Variants in RYR3 observed in about 807,000 individuals in gnomAD.
RYR3 encodes the protein brain ryanodine receptor-calcium release channel.
In RYR3, 207 loss-of-function variants were observed where a neutral mutation model predicts 584.3. The observed-to-expected ratio is 0.35, with a 90% CI of 0.32 to 0.40. The LOEUF is 0.40. Among genes scored for constraint, RYR3 ranks in the 10% least tolerant of loss-of-function variants. The pLI is 1.00. For missense variants in RYR3, 5,616 were observed against 6,089.2 expected (o/e 0.92, Z 2.59); for synonymous variants, 2,416 against 2,248.5 (o/e 1.07, Z -2.11).
intron 42 of RYR3, 117 bp from the exon 43 acceptor site, chr15:33,706,802 T>C: frequency 4.4e-6 from 4 of 904,812 alleles, no homozygotes; most frequent in Non-Finnish European, 6.7e-6. Context: ...TCACCAGCAA[T>C]GCACAAGAGT....
At chr15:33,652,405 A>C (rs1213134375) in intron 31 of RYR3, among the ~76,000 whole-genome samples, 4 of 152,046 alleles carry the variant, frequency 2.6e-5, no homozygotes, top group African/African-American at 7.2e-5. Context: ...CTTTGGTGGG[A>C]TACTGCCGTT....
At chr15:33,724,669 C>G (rs548702449) in intron 45 of RYR3, among the ~76,000 whole-genome samples, 45 of 152,180 alleles carry the variant, frequency 3.0e-4, no homozygotes, top group Non-Finnish European at 6.2e-4. Flanking sequence ...TCTCAGACTT[C>G]TAGTTTTGAA....
intron 16 of RYR3, among the ~76,000 whole-genome samples, chr15:33,592,823 G>A (rs955193265): frequency 6.6e-6 from 1 of 152,192 alleles, no homozygotes; most frequent in Non-Finnish European, 1.5e-5. Flanking sequence ...TAGTTAATTT[G>A]GAAAGTTTAT....
At chr15:33,683,116 T>C (rs1224468879) in intron 38 of RYR3, among the ~76,000 whole-genome samples, 1 of 152,036 alleles carries the variant, frequency 6.6e-6, no homozygotes, top group African/African-American at 2.4e-5. Context: ...TTCCTCAGCC[T>C]CCCGAGTAGC....
At chr15:33,670,149 TAC>T (rs2063756957) in intron 37 of RYR3, among the ~76,000 whole-genome samples, 1 of 152,164 alleles carries the variant, frequency 6.6e-6, no homozygotes, top group Non-Finnish European at 1.5e-5. Flanking sequence ...TAATCCCCCT[TAC>T]ACTCTTTCAG....
intron 100 of RYR3, 71 bp downstream of exon 100, chr15:33,859,802 C>T: frequency 1.4e-6 from 2 of 1,457,766 alleles, no homozygotes; most frequent in Non-Finnish European, 1.9e-6. Flanking sequence ...CCATCTATGA[C>T]TTAATTGGTT....
At chr15:33,764,178 A>G (rs2072788140) in intron 60 of RYR3, among the ~76,000 whole-genome samples, 1 of 152,222 alleles carries the variant, frequency 6.6e-6, no homozygotes, top group Non-Finnish European at 1.5e-5. Flanking sequence ...GAACCAACCC[A>G]GATGCCCATC....
At chr15:33,815,970 C>T (rs1596764497) in intron 74 of RYR3, 5 of 398,362 alleles carry the variant, frequency 1.3e-5, no homozygotes, top group Admixed American at 4.4e-5. Context: ...TCATTCTCTG[C>T]ACACTCCTCC....
At chr15:33,603,925 A>G (rs1345557255) in intron 18 of RYR3, among the ~76,000 whole-genome samples, 1 of 152,250 alleles carries the variant, frequency 6.6e-6, no homozygotes, top group Non-Finnish European at 1.5e-5. Context: ...TAACCTTTTT[A>G]AACGAATTCA....
chr15:33,386,293 T>C (rs1453116002), intron 1 of RYR3, among the ~76,000 whole-genome samples: 3 of 152,242 alleles, frequency 2.0e-5, no homozygotes, highest in Non-Finnish European at 4.4e-5. Context: ...TTCCTTGCTG[T>C]ATCATAATTA....
At chr15:33,607,887 T>C (rs1434393889) in intron 18 of RYR3, among the ~76,000 whole-genome samples, 1 of 152,130 alleles carries the variant, frequency 6.6e-6, no homozygotes, top group Non-Finnish European at 1.5e-5. Context: ...ATAGATTAAT[T>C]GATTCAAAAC....
chr15:33,810,382 G>A, intron 70 of RYR3, 97 bp from the exon 71 acceptor site: 1 of 1,264,754 alleles, frequency 7.9e-7, no homozygotes, highest in Non-Finnish European at 1.1e-6. Flanking sequence ...ACCCTATACT[G>A]ACAGGGCCAC....
chr15:33,800,855 C>T lies in RYR3; in HGVS notation c.9916C>T (p.His3306Tyr), dbSNP rs1156268851. The part of the protein sequence containing the change: ...AEVFILWCKS[H>Y]NFKREEQNFV... ...AGTCTTCATTCTGTGGTGTAAATCT[C>T]ATGTAAGAACACATTTGGGCCCTGG... Residue 3306 changes from histidine (H) to tyrosine (Y), a missense_variant and splice_region_variant, in exon 68 of 104, where the codon CAT becomes TAT. Physicochemically the swap from His to Tyr is moderately conservative, Grantham distance 83. Coordinates refer to ENST00000634891, the MANE Select transcript of RYR3 (RefSeq NM_001036.6). 1 of 1,605,326 alleles carries T rather than the reference C, an allele frequency of 6.2e-7. No homozygotes were observed. The highest frequency in any genetic ancestry group is 2.2e-5 in the East Asian group (1 of 44,848).
At chr15:33,494,721 ATTGCTT>A (rs1441579132) in intron 2 of RYR3, among the ~76,000 whole-genome samples, 2 of 152,200 alleles carry the variant, frequency 1.3e-5, no homozygotes, top group African/African-American at 2.4e-5. Context: ...TGTACATATA[ATTGCTT>A]TTGTTAGCAG....
At chr15:33,363,777 G>A (rs967474905) in intron 1 of RYR3, among the ~76,000 whole-genome samples, 1 of 152,182 alleles carries the variant, frequency 6.6e-6, no homozygotes, top group Non-Finnish European at 1.5e-5. Flanking sequence ...AGATTGTGCT[G>A]TTCAGTGTGA....
Position 33,788,194 on chromosome 15 carries a change from C to T in RYR3, c.9590-24C>T, listed in dbSNP as rs193267210. On this transcript the variant is annotated intron_variant, in intron 66 of 103. Transcript: ENST00000634891. ...TCAATTGCCATAATACGTGAAATGA[C>T]GGGGAGGCTCTTTGTAAACGCAGTG... The T allele has an allele frequency of 2.9e-5, 47 of 1,612,560 alleles. No individual in the cohort carries two copies. The African/African-American group carries it at 3.2e-4, about 11-fold the overall frequency.
Position 33,644,325 on chromosome 15 carries a change from T to C in RYR3, c.3571T>C (p.Cys1191Arg). ...CTCTTCTGCAGGCTTCGTGCCCATC[T>C]GCTGTCTGGGTCTATCTCAGATCGG... is the stretch of plus-strand genomic sequence containing the variant. Reference protein sequence around the residue: ...YEIENGFVPICCLGLSQIGRM... With the variant: ...YEIENGFVPIRCLGLSQIGRM... Residue 1191 changes from cysteine (C) to arginine (R), a missense_variant, in exon 28 of 104, where the codon TGC becomes CGC. This residue lies in a region of RYR3 where 152 missense variants were observed against 200.9 expected (regional missense o/e 0.76). Coordinates refer to ENST00000634891, the MANE Select transcript of RYR3 (RefSeq NM_001036.6). The C allele has an allele frequency of 6.2e-7, 1 of 1,611,486 alleles. No individual in the cohort carries two copies. Among genetic ancestry groups the C allele is most frequent in the Non-Finnish European group, 8.5e-7 (1 of 1,178,916 alleles).
chr15:33,611,938 C>T (rs2060214713), intron 18 of RYR3, among the ~76,000 whole-genome samples: 1 of 152,166 alleles, frequency 6.6e-6, no homozygotes, highest in South Asian at 2.1e-4. Flanking sequence ...GGATTATAGG[C>T]ATGAGCTCCC....
chr15:33,318,897 A>G (rs1968563110), intron 1 of RYR3, among the ~76,000 whole-genome samples: 1 of 152,230 alleles, frequency 6.6e-6, no homozygotes, highest in Admixed American at 6.5e-5. Flanking sequence ...CAGTTATTGT[A>G]TTCATTAACA....
Sources: allele counts gnomAD v4.1 joint callset (sites outside exome capture counted in the v4.1 genomes callset), GRCh38; gene constraint gnomAD v4.1.1; regional missense constraint gnomAD v4.1.1; transcripts MANE v1.5; gene names NCBI Gene and HGNC (gene_info 2026-07-23, HGNC 2026-07-21).